EPPK1: variants seen among roughly 807,000 people sequenced by gnomAD.
EPPK1 encodes epiplakin 1, also known as epiplakin.
For missense variants in EPPK1, 3,823 were observed against 3,673.3 expected, an observed-to-expected ratio of 1.04 and a Z score of -1.05; for synonymous variants, 1,862 against 1,721.2, an observed-to-expected ratio of 1.08 and a Z score of -2.03.
chr8:143,875,658 G>A (rs898553380), intron 1 of EPPK1, among the ~76,000 whole-genome samples: 4 of 152,280 alleles, frequency 2.6e-5, no homozygotes, highest in Admixed American at 6.5e-5. Context: ...CCAGCTGGCC[G>A]GTGCGCCACA....
intron 1 of EPPK1, among the ~76,000 whole-genome samples, chr8:143,875,681 C>T (rs782193791): frequency 2.0e-5 from 3 of 152,242 alleles, no homozygotes; most frequent in East Asian, 1.9e-4. Context: ...GATGCCTGGG[C>T]GCTTGTCTTC....
rs781829025 is a variant in EPPK1, at chr8:143,858,031, C to A, written c.15223G>T (p.Asp5075Tyr). ...AGAAATAGGAGCCCCGTCTCAGGGTCCAGGGTGGCCCTCTGCAGAAGCTGC... is the reference window on the plus strand; with the variant it reads ...AGAAATAGGAGCCCCGTCTCAGGGTACAGGGTGGCCCTCTGCAGAAGCTGC... ...YLQLLQRATL[D>Y]PETGLLFLSL... Residue 5075 changes from aspartate to tyrosine, a missense_variant, in exon 2 of 2, where the codon GAC (aspartate) becomes TAC (tyrosine). Transcript: ENST00000615648. 6.2e-6 allele frequency: 10 copies of A among 1,612,928 alleles called. No individual in the cohort carries two copies. The highest frequency in any genetic ancestry group is 8.5e-6 in the Non-Finnish European group (10 of 1,179,806).
In EPPK1 at chr8:143,867,040, A is replaced by G; in HGVS notation, c.6214T>C (p.Cys2072Arg). 6.2e-7 allele frequency: 1 copy of G among 1,611,302 alleles called. No individual in the cohort carries two copies. The highest frequency in any genetic ancestry group is 8.5e-7 in the Non-Finnish European group (1 of 1,179,330). The change falls in exon 2 of 2, where the codon TGC becomes CGC. Residue 2072 changes from cysteine (C) to arginine (R), a missense_variant. By Grantham distance (180) the Cys-to-Arg change is radical (BLOSUM62 -3). Transcript: ENST00000615648. ...CAGCCCGTGTCCTCTTGTGGGCGGCACCTCTCCTGCAGCTCTCGGTACGAG... is the reference window on the plus strand; with the variant it reads ...CAGCCCGTGTCCTCTTGTGGGCGGCGCCTCTCCTGCAGCTCTCGGTACGAG... ...KVSYRELQER[C>R]RPQEDTGWLL...
Position 143,867,557 on chromosome 8 carries a change from A to C in EPPK1, c.5697T>G (p.Ile1899Met), listed in dbSNP as rs782728039. ...TGGTGGAGGGCACCGTGACCCCCGC[A>C]ATGCAGCCGCTGCCTTCCAGATAGG... Reference protein sequence around the residue: ...VKPYLEGSGCIAGVTVPSTRE... With the variant: ...VKPYLEGSGCMAGVTVPSTRE... The change falls in exon 2 of 2, where the codon ATT becomes ATG. Residue 1899 changes from isoleucine (I) to methionine (M), a missense_variant. Ile to Met is a conservative substitution (Grantham distance 10). Transcript: ENST00000615648. 2.1e-5 allele frequency: 34 copies of C among 1,612,714 alleles called. No individual in the cohort carries two copies. Among genetic ancestry groups the C allele is most frequent in the Non-Finnish European group, 2.9e-5 (34 of 1,179,790 alleles).
In EPPK1 at chr8:143,868,713, C is replaced by T. The variant is rs1255377415; in HGVS notation, c.4541G>A (p.Arg1514Lys). ...AVTTLVEAAE[R>K]QPLQATFRGL... ...TCTGAAGGTGGCCTGCAGGGGCTGC[C>T]TCTCTGCAGCCTCGACCAGGGTGGT... Residue 1514 changes from arginine (R) to lysine (K), a missense_variant, in exon 2 of 2, where the codon AGG becomes AAG. Physicochemically the swap from Arg to Lys is conservative, Grantham distance 26. Transcript: ENST00000615648. 6.3e-7 allele frequency: 1 copy of T among 1,580,040 alleles called. No homozygotes were observed.
rs201641573 is a variant in EPPK1, at chr8:143,868,245, T to C, written c.5009A>G (p.Asp1670Gly). 0.019 allele frequency: 30,044 copies of C among 1,613,116 alleles called. 314 individuals are homozygous for C. Among genetic ancestry groups the C allele is most frequent in the Non-Finnish European group, 0.022 (25,726 of 1,180,008 alleles). ...QISLFQAMQK[D>G]LIVREHGIRL... The stretch of plus-strand genomic sequence containing the variant: ...GATGCCGTGCTCCCGGACGATGAGG[T>C]CCTTCTGCATGGCCTGGAAGAGGGA... Residue 1670 changes from aspartate (D) to glycine (G), a missense_variant, in exon 2 of 2, where the codon GAC becomes GGC. By Grantham distance (94) the Asp-to-Gly change is moderately conservative. Coordinates refer to ENST00000615648, the MANE Select transcript of EPPK1 (RefSeq NM_031308.4).
At position 143,870,260 on chromosome 8, in the gene EPPK1, A is replaced by G; in HGVS notation, c.2994T>C (p.Tyr998=). ...CACCCTCAGCCCGCTTCAGCCTGCC[A>G]TACAGCTCCGGCCCCACCACACCCC... ...VRRGVVGPEL[Y]GRLKRAEGAI... The change falls in exon 2 of 2, where the codon TAT becomes TAC. Residue 998 remains tyrosine (Y), a synonymous_variant. Transcript: ENST00000615648. This position sits in a 1 kb window ranked among gnomAD's most constrained non-coding sequence, Gnocchi z 5.2. 1 of 1,598,522 alleles carries G rather than the reference A, an allele frequency of 6.3e-7. No homozygotes were observed. Among genetic ancestry groups the G allele is most frequent in the Non-Finnish European group, 8.5e-7 (1 of 1,175,076 alleles).
chr8:143,857,733 A>ATT lies in EPPK1; in HGVS notation c.*253_*254insAA. The ATT allele has an allele frequency of 2.4e-6, 1 of 415,986 alleles. No individual in the cohort carries two copies. The highest frequency in any genetic ancestry group is 4.2e-6 in the Non-Finnish European group (1 of 237,170). The allele number at this position is 415,986 out of a possible 1,614,324, so 25.8% of individuals were successfully genotyped here. ...GACAGAAAAATGTTCTGAAAACGAA[A>ATT]AAGGAGAGAAAAGTAAAACCATATG... On this transcript the variant is annotated 3_prime_UTR_variant, in exon 2 of 2. Transcript: ENST00000615648.
In EPPK1 at chr8:143,866,093, G is replaced by A; in HGVS notation, c.7161C>T (p.Phe2387=). The A allele has an allele frequency of 1.8e-5, 5 of 280,072 alleles. No individual in the cohort carries two copies. Among genetic ancestry groups the A allele is most frequent in the African/African-American group, 1.2e-4 (1 of 8,036 alleles). The allele number at this position is 280,072 out of a possible 1,614,324, so 17.3% of individuals were successfully genotyped here. A position where few individuals can be genotyped will look rare whatever the true frequency, so the allele number is the denominator to read the frequency against. The stretch of plus-strand genomic sequence containing the variant: ...TGAGGTTCTCGTGCGTGTTGGGGTC[G>A]AAGAAGCCCTTGGTGTCGTCGCTGG... ...ADPSDDTKGF[F]DPNTHENLTY... The change falls in exon 2 of 2, where the codon TTC becomes TTT. Residue 2387 remains phenylalanine, a synonymous_variant. Coordinates refer to ENST00000615648, the MANE Select transcript of EPPK1 (RefSeq NM_031308.4).
rs1307338641 is a variant in EPPK1 at position 143,866,608 on chromosome 8, C to T, written c.6646G>A (p.Val2216Ile). ...CTGGTGCCCTCCAGGTAGCGCTTGA[C>T]GCGGTCGTCCTCCATGAGCTCTTGC... is the stretch of plus-strand genomic sequence containing the variant. ...TTQELMEDDR[V>I]KRYLEGTSCI... is the part of the protein sequence containing the mutation. The change falls in exon 2 of 2, where the codon GTC (valine) becomes ATC (isoleucine). Residue 2216 changes from valine to isoleucine, a missense_variant. Coordinates refer to ENST00000615648, the MANE Select transcript of EPPK1 (RefSeq NM_031308.4). 140 of 1,612,690 alleles carry T rather than the reference C, an allele frequency of 8.7e-5. 1 individual carries two copies. The highest frequency in any genetic ancestry group is 2.7e-4 in the East Asian group (12 of 44,888).
Position 143,867,752 on chromosome 8 carries a change from T to C in EPPK1, c.5502A>G (p.Thr1834=). The part of the protein sequence containing the change: ...LEKLLEIITT[T]IEETETQNQG... ...GGTTTTGCGTCTCTGTTTCTTCAATTGTCGTGGTGATGATTTCCAGCAATT... is the reference window on the plus strand; with the variant it reads ...GGTTTTGCGTCTCTGTTTCTTCAATCGTCGTGGTGATGATTTCCAGCAATT... Residue 1834 remains threonine, a synonymous_variant, in exon 2 of 2, where the codon ACA becomes ACG. Transcript: ENST00000615648. 1 of 1,613,734 alleles carries C rather than the reference T, an allele frequency of 6.2e-7. No homozygotes were observed. The highest frequency in any genetic ancestry group is 8.5e-7 in the Non-Finnish European group (1 of 1,179,864).
In EPPK1 at chr8:143,866,405, C is replaced by T; in HGVS notation, c.6849G>A (p.Val2283=). Reference sequence around the variant, plus strand: ...CCACGCCCGCGGCCACGGCCTCCTCCACCGACAGCCTCAGGTTGCGCACGG... The same window carrying T: ...CCACGCCCGCGGCCACGGCCTCCTCTACCGACAGCCTCAGGTTGCGCACGG... ...IDPVRNLRLS[V]EEAVAAGVVG... Residue 2283 remains valine (V), a synonymous_variant, in exon 2 of 2, where the codon GTG becomes GTA. Transcript: ENST00000615648. 1 of 1,136,994 alleles carries T rather than the reference C, an allele frequency of 8.8e-7. No individual in the cohort carries two copies. Among genetic ancestry groups the T allele is most frequent in the Non-Finnish European group, 1.2e-6 (1 of 836,668 alleles). The allele number at this position is 1,136,994 out of a possible 1,614,324, so 70.4% of individuals were successfully genotyped here.
rs1457755246 is a variant in EPPK1 at position 143,863,776 on chromosome 8, C to T, written c.9478G>A (p.Ala3160Thr). 7.4e-6 allele frequency: 2 copies of T among 271,374 alleles called. No individual in the cohort carries two copies. The highest frequency in any genetic ancestry group is 1.4e-5 in the Non-Finnish European group (2 of 145,072). 16.8% of individuals were successfully genotyped at this position (271,374 alleles called of 1,614,324 possible). Residue 3160 changes from alanine (A) to threonine (T), a missense_variant, in exon 2 of 2, where the codon GCC (alanine) becomes ACC (threonine). By Grantham distance (58) the Ala-to-Thr change is moderately conservative. Transcript: ENST00000615648. ...EGQGEGETQE[A>T]AAAARRQEQT... The stretch of plus-strand genomic sequence containing the variant: ...TCCTGGCGGCGGGCGGCGGCGGCGG[C>T]CTCCTGGGTCTCGCCCTCCCCCTGG...
rs1426720147 is a variant in EPPK1, at chr8:143,871,817, TC to T, written c.1436del (p.Gly479AspfsTer13). The T allele has an allele frequency of 2.2e-5, 35 of 1,611,600 alleles. No homozygotes were observed. The highest frequency in any genetic ancestry group is 2.7e-5 in the Non-Finnish European group (32 of 1,179,680). On this transcript the variant is annotated frameshift_variant, in exon 2 of 2. Transcript: ENST00000615648. LOFTEE classifies it low-confidence loss of function (END_TRUNC). ...SGGPRGGEPQGPPFIKYSTRQ... is the reference protein window; with the variant it reads ...SGGPRGGEPQXPPFIKYSTRQ... ...GAGTGCTGTACTTGATGAATGGGGGTCCCTGGGGCTCCCCTCCCCGGGGTCC... is the reference window on the plus strand; with the variant it reads ...GAGTGCTGTACTTGATGAATGGGGGTCCTGGGGCTCCCCTCCCCGGGGTCC...
At position 143,867,320 on chromosome 8, in the gene EPPK1, G is replaced by A. The variant is rs782406601; in HGVS notation, c.5934C>T (p.Tyr1978=). 2.5e-6 allele frequency: 4 copies of A among 1,612,600 alleles called. No individual in the cohort carries two copies. Among genetic ancestry groups the A allele is most frequent in the South Asian group, 2.2e-5 (2 of 91,080 alleles). The stretch of plus-strand genomic sequence containing the variant: ...TCGTGTCTCCTGTGGCCGGATCCCT[G>A]TAGCCCGTGGCAGCTCTTTCAGCCT... ...LLKAERAATG[Y]RDPATGDTIP... is the part of the protein sequence containing the mutation. The change falls in exon 2 of 2, where the codon TAC becomes TAT. Residue 1978 remains tyrosine (Y), a synonymous_variant. Transcript: ENST00000615648.
In EPPK1 at chr8:143,870,839, C is replaced by T. The variant is rs186834688; in HGVS notation, c.2415G>A (p.Leu805=). 249 of 1,612,880 alleles carry T rather than the reference C, an allele frequency of 1.5e-4. No homozygotes were observed. The highest frequency in any genetic ancestry group is 1.2e-3 in the Admixed American group (75 of 60,016). ...LLPLSSTQSP[L]VDSATQQAFQ... is the part of the protein sequence containing the mutation. Reference sequence around the variant, plus strand: ...AGGCCTGCTGGGTGGCACTGTCCACCAGCGGGGACTGCGTGCTGCTGAGTG... The same window carrying T: ...AGGCCTGCTGGGTGGCACTGTCCACTAGCGGGGACTGCGTGCTGCTGAGTG... The change falls in exon 2 of 2, where the codon CTG becomes CTA. Residue 805 remains leucine, a synonymous_variant. Coordinates refer to ENST00000615648, the MANE Select transcript of EPPK1 (RefSeq NM_031308.4). The surrounding 1 kb of genome is among the most constrained non-coding windows in gnomAD (Gnocchi z 5.2).
In EPPK1 at chr8:143,871,413, C is replaced by T; in HGVS notation, c.1841G>A (p.Gly614Asp). The T allele has an allele frequency of 6.2e-7, 1 of 1,604,554 alleles. No individual in the cohort carries two copies. ...TTCCTGGGAGCCAGGGAGCAGCAGG[C>T]CAGCAATGCAGCCCGTACCCTGCAG... ...RYLQGTGCIA[G>D]LLLPGSQERL... Residue 614 changes from glycine to aspartate, a missense_variant, in exon 2 of 2, where the codon GGC becomes GAC. Transcript: ENST00000615648.
Position 143,858,067 on chromosome 8 carries a change from G to A in EPPK1, c.15187C>T (p.Leu5063Phe), listed in dbSNP as rs781990798. ...CTCTGCAGAAGCTGCAGGTACGTGA[G>A]GTTCTCGTGCGTGTTGGGGTCGAAG... ...GFFDPNTHENLTYLQLLQRAT... is the reference protein window; with the variant it reads ...GFFDPNTHENFTYLQLLQRAT... The change falls in exon 2 of 2, where the codon CTC becomes TTC. Residue 5063 changes from leucine to phenylalanine, a missense_variant. By Grantham distance (22) the Leu-to-Phe change is conservative. Coordinates refer to ENST00000615648, the MANE Select transcript of EPPK1 (RefSeq NM_031308.4). 7.4e-6 allele frequency: 12 copies of A among 1,613,378 alleles called. No homozygotes were observed. Among genetic ancestry groups the A allele is most frequent in the Non-Finnish European group, 7.6e-6 (9 of 1,180,002 alleles).
Position 143,867,697 on chromosome 8 carries a change from C to T in EPPK1, c.5557G>A (p.Glu1853Lys), listed in dbSNP as rs1819178640. ...TTGAACAGGTCTGCAGCTGTCACCT[C>T]CCCTCTGATGGCCGCCACTTTGATG... ...QGIKVAAIRG[E>K]VTAADLFNSR... The change falls in exon 2 of 2, where the codon GAG (glutamate) becomes AAG (lysine). Residue 1853 changes from glutamate to lysine, a missense_variant. Coordinates refer to ENST00000615648, the MANE Select transcript of EPPK1 (RefSeq NM_031308.4). 6.2e-7 allele frequency: 1 copy of T among 1,613,616 alleles called. No homozygotes were observed. The highest frequency in any genetic ancestry group is 1.7e-5 in the Admixed American group (1 of 60,026).
Sources: gnomAD v4.1 joint callset for allele counts (sites outside exome capture counted in the v4.1 genomes callset) on GRCh38, gnomAD v4.1.1 for gene constraint, Gnocchi (gnomAD v3.1) non-coding constraint, MANE v1.5 for transcripts, NCBI Gene and HGNC (gene_info 2026-07-23, HGNC 2026-07-21) for gene names.